Variants in MTA3 observed in about 807,000 individuals in gnomAD.
MTA3 encodes metastasis associated 1 family member 3.
A neutral mutation model predicts 83.5 loss-of-function variants in MTA3; 34 were observed. That is an observed-to-expected ratio of 0.41 (90% CI 0.31 to 0.54). The LOEUF is 0.54. Among genes scored for constraint, MTA3 ranks in the 20% least tolerant of loss-of-function variants. The pLI is 0.33. For synonymous variants in MTA3, 303 were observed against 252.7 expected, an observed-to-expected ratio of 1.20 and a Z score of -1.89; for missense variants, 761 against 726.4, an observed-to-expected ratio of 1.05 and a Z score of -0.55.
intron 2 of MTA3, among the ~76,000 whole-genome samples, chr2:42,518,888 C>T (rs902759744): frequency 6.6e-6 from 1 of 151,244 alleles, no homozygotes. Context: ...ATCACCTGAG[C>T]CTTCGAGGTT....
intron 2 of MTA3, among the ~76,000 whole-genome samples, chr2:42,555,195 G>A (rs553209299): frequency 1.4e-4 from 21 of 152,046 alleles, no homozygotes; most frequent in African/African-American, 4.6e-4. Flanking sequence ...CGGACATTGT[G>A]GCTCATGCCT....
intron 12 of MTA3, among the ~76,000 whole-genome samples, chr2:42,706,021 G>A (rs1413526880): frequency 1.3e-5 from 2 of 152,030 alleles, no homozygotes; most frequent in Non-Finnish European, 2.9e-5. Context: ...ATTAGTTTAC[G>A]TAAAATGTAT....
At chr2:42,715,292 T>G (rs1666942261) in intron 14 of MTA3, among the ~76,000 whole-genome samples, 1 of 152,256 alleles carries the variant, frequency 6.6e-6, no homozygotes, top group African/African-American at 2.4e-5. Context: ...GCCAACTGTA[T>G]TTTTCCTACT....
At chr2:42,699,800 G>A (rs556796559) in intron 11 of MTA3, among the ~76,000 whole-genome samples, 8 of 152,246 alleles carry the variant, frequency 5.3e-5, no homozygotes, top group Admixed American at 2.6e-4. Flanking sequence ...GGATGTATTG[G>A]TCTTAAACTC....
At chr2:42,511,825 T>C (rs1455942206) in intron 2 of MTA3, 1 of 152,198 alleles carries the variant, frequency 6.6e-6, no homozygotes, top group Non-Finnish European at 1.5e-5. Context: ...GAGACCATCC[T>C]AGCTAACACA....
At chr2:42,749,511 G>A (rs756870325) in intron 16 of MTA3, among the ~76,000 whole-genome samples, 26 of 151,902 alleles carry the variant, frequency 1.7e-4, no homozygotes, top group Admixed American at 2.6e-4. Flanking sequence ...TCTGTCACCC[G>A]TGCTGGAGTG....
intron 5 of MTA3, among the ~76,000 whole-genome samples, chr2:42,643,763 G>A (rs933521072): frequency 2.0e-5 from 3 of 152,160 alleles, no homozygotes; most frequent in African/African-American, 7.2e-5. Flanking sequence ...GTTTGGTGTG[G>A]ACTTCAGAAG....
intron 2 of MTA3, among the ~76,000 whole-genome samples, chr2:42,517,158 G>A (rs1380581334): frequency 6.6e-6 from 1 of 152,180 alleles, no homozygotes; most frequent in Admixed American, 6.5e-5. Flanking sequence ...TACTCAGGAG[G>A]CTAAGGCAGG....
intron 4 of MTA3, among the ~76,000 whole-genome samples, chr2:42,623,749 G>A (rs573799865): frequency 3.4e-5 from 5 of 147,126 alleles, no homozygotes; most frequent in Non-Finnish European, 7.4e-5. Flanking sequence ...CAGGAGCAGT[G>A]GCACAATCTC....
At chr2:42,552,196 G>GGT (rs1045810966) in intron 2 of MTA3, among the ~76,000 whole-genome samples, 3 of 152,168 alleles carry the variant, frequency 2.0e-5, no homozygotes, top group Non-Finnish European at 4.4e-5. Context: ...CCCTGAGACT[G>GGT]GTGTGTGCCT....
chr2:42,507,542 G>C (rs915029748), intron 2 of MTA3, among the ~76,000 whole-genome samples: 6 of 151,816 alleles, frequency 4.0e-5, no homozygotes, highest in African/African-American at 1.5e-4. Flanking sequence ...GGAATATGAG[G>C]TTAGACATGA....
chr2:42,705,756 G>T (rs145173349), intron 12 of MTA3, among the ~76,000 whole-genome samples: 1 of 151,596 alleles, frequency 6.6e-6, no homozygotes, highest in Admixed American at 6.6e-5. Flanking sequence ...TCACACTCAC[G>T]TATATCCCCT....
At chr2:42,739,729 T>A (rs796099906) in intron 16 of MTA3, among the ~76,000 whole-genome samples, 5 of 152,342 alleles carry the variant, frequency 3.3e-5, no homozygotes, top group African/African-American at 1.2e-4. Flanking sequence ...CCTCTCAAAC[T>A]CTGCTGCTGC....
chr2:42,687,403 CTAG>C (rs1386137157), intron 9 of MTA3, among the ~76,000 whole-genome samples: 1 of 152,174 alleles, frequency 6.6e-6, no homozygotes, highest in Non-Finnish European at 1.5e-5. Context: ...TTTTCACTGC[CTAG>C]TAGTACTATT....
intron 3 of MTA3, among the ~76,000 whole-genome samples, chr2:42,601,240 C>G (rs1343650272): frequency 3.3e-5 from 5 of 152,138 alleles, no homozygotes. Context: ...GAACTTTGTT[C>G]TGGGATGCAT....
chr2:42,499,043 G>A (rs556472976), intron 2 of MTA3, among the ~76,000 whole-genome samples: 1 of 152,210 alleles, frequency 6.6e-6, no homozygotes, highest in Non-Finnish European at 1.5e-5. Flanking sequence ...ATACAGGGAG[G>A]TATAAGTCAA....
At chr2:42,509,990 T>C (rs1365968694) in intron 2 of MTA3, among the ~76,000 whole-genome samples, 1 of 152,054 alleles carries the variant, frequency 6.6e-6, no homozygotes, top group African/African-American at 2.4e-5. Context: ...TTGGCACTGC[T>C]TTCCCCCCAT....
chr2:42,565,698 C>T (rs1197178730), upstream of MTA3, among the ~76,000 whole-genome samples: 3 of 152,052 alleles, frequency 2.0e-5, no homozygotes, highest in Non-Finnish European at 4.4e-5. Context: ...AAGTGCCAAA[C>T]ACCTTCTATA....
chr2:42,523,917 TA>T (rs1383770918), intron 2 of MTA3, among the ~76,000 whole-genome samples: 1 of 151,858 alleles, frequency 6.6e-6, no homozygotes, highest in African/African-American at 2.4e-5. Context: ...ACCCTGTTTC[TA>T]AAATAAATAA....
Sources: allele counts gnomAD v4.1 joint callset (sites outside exome capture counted in the v4.1 genomes callset), GRCh38; gene constraint gnomAD v4.1.1; transcripts MANE v1.5; gene names NCBI Gene and HGNC (gene_info 2026-07-23, HGNC 2026-07-21).